PUS7: variants seen among roughly 807,000 people sequenced by gnomAD.
PUS7 encodes the protein pseudouridylate synthase 7 homolog.
Under a neutral mutation model 79.8 loss-of-function variants are expected in PUS7, and 48 were observed. The ratio of observed to expected loss-of-function variants is 0.60; its 90% CI spans 0.48 to 0.76. PUS7 has a LOEUF of 0.76. Ranked by LOEUF, PUS7 falls within the 30% of genes least tolerant of loss-of-function variation. The pLI, the probability that PUS7 is intolerant of heterozygous loss-of-function variation, is 0.00. For missense variants in PUS7, 729 were observed against 797.6 expected, an observed-to-expected ratio of 0.91 and a Z score of 1.04; for synonymous variants, 286 against 272.2, an observed-to-expected ratio of 1.05 and a Z score of -0.50.
chr7:105,486,857 C>T (rs923883739), intron 7 of PUS7, among the ~76,000 whole-genome samples: 2 of 151,582 alleles, frequency 1.3e-5, no homozygotes, highest in African/African-American at 4.8e-5. Context: ...ATGAGGAGTT[C>T]GAGACCAGCC....
intron 13 of PUS7, among the ~76,000 whole-genome samples, chr7:105,464,509 G>A (rs1209061090): frequency 6.6e-6 from 1 of 152,228 alleles, no homozygotes; most frequent in Non-Finnish European, 1.5e-5. Context: ...TAAAGGCAGA[G>A]GAAGGCTGAA....
chr7:105,470,470 C>G (rs1048813573), intron 11 of PUS7: 1 of 399,112 alleles, frequency 2.5e-6, no homozygotes, highest in Non-Finnish European at 4.4e-6. Context: ...TCCACATTGA[C>G]GCTTTTCTTG....
intron 5 of PUS7, among the ~76,000 whole-genome samples, chr7:105,496,220 TATATATAGAGAGAG>T (rs1825020654): frequency 1.2e-4 from 10 of 83,290 alleles, no homozygotes; most frequent in African/African-American, 5.0e-4. Flanking sequence ...TATATATATA[TATATATAGAGAGAG>T]AGAGAGAGAG....
chr7:105,508,813 A>C (rs149890031), intron 1 of PUS7, among the ~76,000 whole-genome samples: 5 of 138,564 alleles, frequency 3.6e-5, no homozygotes, highest in Non-Finnish European at 6.1e-5. Context: ...CAGAGGTTGC[A>C]GTGAGTTAAG....
chr7:105,473,411 C>T (rs568384500), intron 9 of PUS7, among the ~76,000 whole-genome samples: 8 of 148,898 alleles, frequency 5.4e-5, no homozygotes, highest in African/African-American at 2.0e-4. Context: ...AGCATGCCTG[C>T]CTAATTTTTT....
intron 14 of PUS7, among the ~76,000 whole-genome samples, chr7:105,460,853 CAAAAAAAAA>C (rs55923593): frequency 3.6e-4 from 30 of 83,564 alleles, no homozygotes; most frequent in African/African-American, 1.4e-3. Context: ...GACTCCGTCT[CAAAAAAAAA>C]AAAAAAAAAA....
In PUS7 at chr7:105,488,685, C is replaced by A. The variant is rs941983229; in HGVS notation, c.920+2855G>T. Among the ~76,000 whole-genome samples the A allele has an allele frequency of 3.3e-4, 50 of 152,122 alleles. 2 individuals carry two copies. The highest frequency in any genetic ancestry group is 6.6e-5 in the Admixed American group (1 of 15,260). On this transcript the variant is annotated intron_variant, in intron 7 of 15. Transcript: ENST00000469408. ...TCAAACATATTTTGCTATATACCTA[C>A]AGGAAATAAGGTACACCATCTATTG... is the stretch of plus-strand genomic sequence containing the variant.
chr7:105,459,684 C>T (rs969228537), intron 14 of PUS7, among the ~76,000 whole-genome samples: 8 of 151,926 alleles, frequency 5.3e-5, no homozygotes, highest in Admixed American at 2.0e-4. Context: ...GTGATCCACC[C>T]GCCACAGTCT....
chr7:105,471,532 G>A (rs1466150384), intron 10 of PUS7, among the ~76,000 whole-genome samples: 1 of 152,212 alleles, frequency 6.6e-6, no homozygotes, highest in Non-Finnish European at 1.5e-5. Context: ...TAAAATAGAG[G>A]CTGGGCGTGG....
intron 9 of PUS7, among the ~76,000 whole-genome samples, chr7:105,478,869 A>G (rs1439783659): frequency 6.6e-6 from 1 of 152,184 alleles, no homozygotes; most frequent in Non-Finnish European, 1.5e-5. Context: ...CACGCTATGT[A>G]ATTTTTGTTG....
At chr7:105,471,586 C>T (rs925932419) in intron 10 of PUS7, among the ~76,000 whole-genome samples, 2 of 152,106 alleles carry the variant, frequency 1.3e-5, no homozygotes, top group Non-Finnish European at 2.9e-5. Context: ...CTGAGGTGGG[C>T]GGATCACCTG....
Position 105,489,751 on chromosome 7 carries a change from C to G in PUS7, c.920+1789G>C, listed in dbSNP as rs1421161908. 4.6e-5 allele frequency among the ~76,000 whole-genome samples: 7 copies of G among 152,202 alleles called. No individual in the cohort carries two copies. The East Asian group carries it at 5.8e-4, about 13-fold the overall frequency. On this transcript the variant is annotated intron_variant, in intron 7 of 15. Coordinates refer to ENST00000469408, the MANE Select transcript of PUS7 (RefSeq NM_019042.5). ...AATCAGAAAAGTAGTGGGAAAGAAGCCCAATTGTAGGGGATTATGGGGTAA... is the reference window on the plus strand; with the variant it reads ...AATCAGAAAAGTAGTGGGAAAGAAGGCCAATTGTAGGGGATTATGGGGTAA...
At chr7:105,476,927 G>A (rs79432741) in intron 9 of PUS7, among the ~76,000 whole-genome samples, 14 of 151,978 alleles carry the variant, frequency 9.2e-5, no homozygotes, top group Admixed American at 3.3e-4. Context: ...TTTTTGAATT[G>A]GTTTTTCTTT....
intron 1 of PUS7, among the ~76,000 whole-genome samples, chr7:105,514,446 TACAA>T (rs569824319): frequency 1.2e-4 from 18 of 150,386 alleles, no homozygotes; most frequent in African/African-American, 3.9e-4. Flanking sequence ...CTACTAAAAA[TACAA>T]ACAATTAGCT....
At chr7:105,462,871 T>C (rs1823492764) in intron 13 of PUS7, 121 bp from the exon 14 acceptor site, 1 of 917,000 alleles carries the variant, frequency 1.1e-6, no homozygotes, top group Non-Finnish European at 1.6e-6. Context: ...ATTAGTCACC[T>C]TAATTTATAA....
intron 10 of PUS7, 96 bp from the exon 11 acceptor site, chr7:105,470,944 GC>G: frequency 7.5e-7 from 1 of 1,338,926 alleles, no homozygotes; most frequent in East Asian, 2.4e-5. Context: ...ATTAGAAAAT[GC>G]TACTTGAAAT....
intron 1 of PUS7, among the ~76,000 whole-genome samples, chr7:105,517,301 C>T (rs921655874): frequency 6.6e-6 from 1 of 152,102 alleles, no homozygotes; most frequent in Non-Finnish European, 1.5e-5. Flanking sequence ...AGAGTACATA[C>T]AGGCATGCGC....
intron 13 of PUS7, among the ~76,000 whole-genome samples, chr7:105,465,036 C>CAA (rs1432368474): frequency 2.6e-5 from 4 of 152,092 alleles, no homozygotes; most frequent in African/African-American, 9.7e-5. Flanking sequence ...CCAGGCTGGT[C>CAA]TCGAATTCCA....
In PUS7 at chr7:105,508,484, G is replaced by A. The variant is rs753170397; in HGVS notation, c.29C>T (p.Ser10Leu). The A allele has an allele frequency of 3.1e-6, 5 of 1,613,566 alleles. No homozygotes were observed. The highest frequency in any genetic ancestry group is 1.7e-5 in the Admixed American group (1 of 59,908). Reference protein sequence around the residue: MEMTEMTGVSLKRGALVVED... With the variant: MEMTEMTGVLLKRGALVVED... ...GACAACCAGTGCCCCACGTTTCAGC[G>A]ACACACCAGTCATTTCTGTCATCTC... is the stretch of plus-strand genomic sequence containing the variant. The change falls in exon 2 of 16, where the codon TCG becomes TTG. Residue 10 changes from serine (S) to leucine (L), a missense_variant. Physicochemically the swap from Ser to Leu is moderately radical, Grantham distance 145. Coordinates refer to ENST00000469408, the MANE Select transcript of PUS7 (RefSeq NM_019042.5).
Sources: allele counts gnomAD v4.1 joint callset (sites outside exome capture counted in the v4.1 genomes callset), GRCh38; gene constraint gnomAD v4.1.1; transcripts MANE v1.5; gene names NCBI Gene and HGNC (gene_info 2026-07-23, HGNC 2026-07-21).